The following PSMA2 variants were observed in gnomAD, a reference collection of about 807,000 sequenced individuals.
PSMA2 encodes proteasome subunit alpha type-2.
In PSMA2, 2 loss-of-function variants were observed where a neutral mutation model predicts 35.9. The ratio of observed to expected loss-of-function variants is 0.06; its 90% CI spans 0.02 to 0.18. The LOEUF (loss-of-function observed/expected upper bound fraction) is 0.18. Ranked by LOEUF, PSMA2 falls within the 10% of genes least tolerant of loss-of-function variation. PSMA2 has a pLI of 1.00. For missense variants in PSMA2, 126 were observed against 278.8 expected (o/e 0.45, Z 3.90); for synonymous variants, 97 against 98.2 (o/e 0.99, Z 0.07).
chr7:42,926,495 T>C (rs746268514), intron 3 of PSMA2, 41 bp downstream of exon 3: 4 of 1,514,114 alleles, frequency 2.6e-6, no homozygotes, highest in East Asian at 4.9e-5. Context: ...TTACAATCAA[T>C]TCATGAGATG....
chr7:42,917,464 T>C lies in PSMA2; in HGVS notation c.*110A>G. The C allele has an allele frequency of 1.2e-6, 1 of 810,130 alleles. No individual in the cohort carries two copies. 50.2% of individuals were successfully genotyped at this position (810,130 alleles called of 1,614,324 possible). ...AAGTGTCATTTTAAAAACAGTCGAT[T>C]TAAACCATGTAGAAATAAGTATGCA... On this transcript the variant is annotated 3_prime_UTR_variant, in exon 8 of 8. Transcript: ENST00000223321.
chr7:42,926,825 G>A (rs1006236582), intron 2 of PSMA2, among the ~76,000 whole-genome samples, 157 bp from the exon 3 acceptor site: 1 of 152,146 alleles, frequency 6.6e-6, no homozygotes, highest in African/African-American at 2.4e-5. Flanking sequence ...CCTAAGAAAT[G>A]GTAAGTCAGT....
At chr7:42,923,289 T>G in intron 5 of PSMA2, 36 bp downstream of exon 5, 1 of 1,498,986 alleles carries the variant, frequency 6.7e-7, no homozygotes, top group Non-Finnish European at 9.3e-7. Context: ...AAGAGCACTT[T>G]TAACAAATCC....
At chr7:42,929,487 G>A (rs368682666) in intron 1 of PSMA2, among the ~76,000 whole-genome samples, 3 of 152,206 alleles carry the variant, frequency 2.0e-5, no homozygotes, top group African/African-American at 7.2e-5. Flanking sequence ...ATTTCACTGC[G>A]TGAAAGCTCA....
intron 2 of PSMA2, among the ~76,000 whole-genome samples, chr7:42,927,078 A>G (rs1786227303): frequency 6.6e-6 from 1 of 151,812 alleles, no homozygotes; most frequent in African/African-American, 2.4e-5. Context: ...CTAAATTATA[A>G]GGATAAAAAC....
intron 3 of PSMA2, among the ~76,000 whole-genome samples, chr7:42,925,300 A>G (rs1468729602): frequency 6.6e-6 from 1 of 152,216 alleles, no homozygotes; most frequent in Non-Finnish European, 1.5e-5. Context: ...GGCTAGGTGC[A>G]GTGTTTCACG....
At chr7:42,931,834 T>C (rs1786318643) in intron 1 of PSMA2, among the ~76,000 whole-genome samples, 1 of 151,968 alleles carries the variant, frequency 6.6e-6, no homozygotes, top group Non-Finnish European at 1.5e-5. Flanking sequence ...TCTTTTCTGG[T>C]CTCCAAAGTG....
chr7:42,918,346 A>C (rs1416731415), intron 6 of PSMA2: 2 of 152,230 alleles, frequency 1.3e-5, no homozygotes, highest in African/African-American at 4.8e-5. Context: ...AAACTTCTTA[A>C]GTATAAATAT....
chr7:42,919,401 C>G, intron 6 of PSMA2: 3 of 562,502 alleles, frequency 5.3e-6, no homozygotes, highest in South Asian at 4.2e-5. Context: ...AACCAGGGGA[C>G]AGAATAAACT....
chr7:42,922,819 T>A (rs1440475893), intron 5 of PSMA2, among the ~76,000 whole-genome samples: 4 of 152,190 alleles, frequency 2.6e-5, no homozygotes, highest in African/African-American at 7.2e-5. Context: ...AGTAGTATTA[T>A]CCATTACAAA....
rs1028948343 is a variant in PSMA2, at chr7:42,917,372, T to G, written c.*202A>C. 3 of 470,010 alleles carry G rather than the reference T, an allele frequency of 6.4e-6. No homozygotes were observed. The highest frequency in any genetic ancestry group is 1.1e-5 in the Non-Finnish European group (3 of 264,178). 29.1% of individuals were successfully genotyped at this position (470,010 alleles called of 1,614,324 possible). On this transcript the variant is annotated 3_prime_UTR_variant, in exon 8 of 8. Coordinates refer to ENST00000223321, the MANE Select transcript of PSMA2 (RefSeq NM_002787.5). Reference sequence around the variant, plus strand: ...ATCAACTGTGATAAAAAGCAGGAAATAACTGTTAAAATTTTAGCAACTCCT... The same window carrying G: ...ATCAACTGTGATAAAAAGCAGGAAAGAACTGTTAAAATTTTAGCAACTCCT...
At chr7:42,929,119 G>A (rs867976805) in intron 1 of PSMA2, among the ~76,000 whole-genome samples, 40 of 152,050 alleles carry the variant, frequency 2.6e-4, no homozygotes, top group African/African-American at 8.9e-4. Flanking sequence ...GCTATGTTCA[G>A]TCAGGATTCC....
At chr7:42,921,497 T>A (rs1786128532) in intron 6 of PSMA2, 1 of 161,704 alleles carries the variant, frequency 6.2e-6, no homozygotes, top group Non-Finnish European at 1.3e-5. Flanking sequence ...TGTCGTAAAC[T>A]GTTATCATTA....
At chr7:42,930,116 G>GTCC (rs1015633490) in intron 1 of PSMA2, among the ~76,000 whole-genome samples, 24 of 152,056 alleles carry the variant, frequency 1.6e-4, no homozygotes, top group Non-Finnish European at 7.4e-5. Context: ...ATGGTCTCTA[G>GTCC]TCCCTTCCAC....
At chr7:42,928,024 G>A (rs1468465487) in intron 1 of PSMA2, among the ~76,000 whole-genome samples, 1 of 152,150 alleles carries the variant, frequency 6.6e-6, no homozygotes. Flanking sequence ...ATGGAGCAGT[G>A]GTATTACTGT....
chr7:42,919,313 A>T, intron 6 of PSMA2: 1 of 597,294 alleles, frequency 1.7e-6, no homozygotes, highest in Non-Finnish European at 3.3e-6. Context: ...ATGCTATCCC[A>T]GGAGATGAAC....
At position 42,917,179 on chromosome 7, in the gene PSMA2, C is replaced by T. The variant is rs1172238899; in HGVS notation, c.*395G>A. On this transcript the variant is annotated 3_prime_UTR_variant, in exon 8 of 8. Transcript: ENST00000223321. ...ATGAATCCGTGAAAGTCTGCAGATC[C>T]TCCCAGCTCTAGAAGCAGTCATGTT... The T allele has an allele frequency of 5.9e-6, 1 of 170,628 alleles. No homozygotes were observed. The highest frequency in any genetic ancestry group is 1.3e-5 in the Non-Finnish European group (1 of 79,834). 10.6% of individuals were successfully genotyped at this position (170,628 alleles called of 1,614,324 possible).
chr7:42,921,566 TC>T, intron 6 of PSMA2: 1 of 239,702 alleles, frequency 4.2e-6, no homozygotes, highest in Non-Finnish European at 7.9e-6. Context: ...TTCTTTTTTT[TC>T]CCTCCTGAAA....
At chr7:42,927,312 T>C in intron 2 of PSMA2, 71 bp downstream of exon 2, 2 of 1,343,922 alleles carry the variant, frequency 1.5e-6, no homozygotes, top group Non-Finnish European at 2.1e-6. Context: ...TATAAATTAA[T>C]TACTAATGAA....
Sources: allele counts gnomAD v4.1 joint callset (sites outside exome capture counted in the v4.1 genomes callset), GRCh38; gene constraint gnomAD v4.1.1; transcripts MANE v1.5; gene names NCBI Gene and HGNC (gene_info 2026-07-23, HGNC 2026-07-21).